The following PNKD variants were observed in gnomAD, a reference collection of about 807,000 sequenced individuals.
The protein encoded by PNKD is PNKD metallo-beta-lactamase domain containing, also known as probable thioesterase PNKD.
In PNKD, 36 loss-of-function variants were observed where a neutral mutation model predicts 45.3. The observed-to-expected ratio is 0.80, with a 90% CI of 0.61 to 1.05. PNKD has a LOEUF of 1.05. Among genes scored for constraint, PNKD ranks in the 50% least tolerant of loss-of-function variants. The pLI is 0.00. For missense variants in PNKD, 511 were observed against 506.6 expected (o/e 1.01, Z -0.08); for synonymous variants, 197 against 210.1 (o/e 0.94, Z 0.54).
rs184080767 is a variant in PNKD at position 218,315,275 on chromosome 2, G to A, written c.237-24508G>A. Among the ~76,000 whole-genome samples the A allele has an allele frequency of 3.0e-3, 452 of 151,442 alleles. 3 individuals are homozygous for A. The highest frequency in any genetic ancestry group is 9.6e-3 in the African/African-American group (394 of 41,250). On this transcript the variant is annotated intron_variant, in intron 2 of 9. Coordinates refer to ENST00000273077, the MANE Select transcript of PNKD (RefSeq NM_015488.5). The stretch of plus-strand genomic sequence containing the variant: ...TCCTGCCCCAGCCTCCCAAGTAGCT[G>A]GGACTACAGGCACGCGCCACCACGC...
chr2:218,280,046 G>A (rs767952919), intron 2 of PNKD: 3 of 1,613,810 alleles, frequency 1.9e-6, no homozygotes, highest in South Asian at 2.2e-5. Flanking sequence ...AAAGTGTGTC[G>A]CACTTTCCGG....
Position 218,340,974 on chromosome 2 carries a change from C to T in PNKD, c.524+188C>T. 1 of 640,902 alleles carries T rather than the reference C, an allele frequency of 1.6e-6. No individual in the cohort carries two copies. The highest frequency in any genetic ancestry group is 2.8e-6 in the Non-Finnish European group (1 of 356,400). 39.7% of individuals were successfully genotyped at this position (640,902 alleles called of 1,614,324 possible). A position where few individuals can be genotyped will look rare whatever the true frequency, so the allele number is the denominator to read the frequency against. On this transcript the variant is annotated intron_variant, in intron 5 of 9. Transcript: ENST00000273077. This position sits in a 1 kb window ranked among gnomAD's most constrained non-coding sequence, Gnocchi z 4.2. ...GACAGTCTCCCACCACTCCATTGAT[C>T]AAGCTTCTGAAGCCCCAGAGGGCAG...
chr2:218,320,415 T>C (rs1693954243), intron 2 of PNKD, among the ~76,000 whole-genome samples: 2 of 152,270 alleles, frequency 1.3e-5, no homozygotes, highest in Admixed American at 6.5e-5. Context: ...TATTTGAAAA[T>C]ATGCAGGCCA....
At position 218,344,479 on chromosome 2, in the gene PNKD, T is replaced by C; in HGVS notation, c.893T>C (p.Leu298Pro). The change falls in exon 9 of 10, where the codon CTG (leucine) becomes CCG (proline). Residue 298 changes from leucine (L) to proline (P), a missense_variant. Physicochemically the swap from Leu to Pro is moderately conservative, Grantham distance 98 (BLOSUM62 -3). Coordinates refer to ENST00000273077, the MANE Select transcript of PNKD (RefSeq NM_015488.5). ...GGTCATGAGTATGCAGAGGAGAACC[T>C]GGGCTTTGCAGGTGTGGTGGAGCCC... is the stretch of plus-strand genomic sequence containing the variant. ...WPGHEYAEENLGFAGVVEPEN... is the reference protein window; with the variant it reads ...WPGHEYAEENPGFAGVVEPEN... 6.9e-6 allele frequency: 11 copies of C among 1,586,114 alleles called. No individual in the cohort carries two copies. Among genetic ancestry groups the C allele is most frequent in the Non-Finnish European group, 9.4e-6 (11 of 1,165,852 alleles).
intron 2 of PNKD, among the ~76,000 whole-genome samples, chr2:218,278,808 C>T (rs1691541420): frequency 6.6e-6 from 1 of 152,244 alleles, no homozygotes. Flanking sequence ...ATGGGGGCTG[C>T]AGCGCAGCGT....
rs1029588837 is a variant in PNKD, at chr2:218,346,089, C to T, written c.*1108C>T. 3.3e-5 allele frequency: 5 copies of T among 152,350 alleles called. No homozygotes were observed. Among genetic ancestry groups the T allele is most frequent in the Non-Finnish European group, 7.3e-5 (5 of 68,070 alleles). 9.4% of individuals were successfully genotyped at this position (152,350 alleles called of 1,614,324 possible). On this transcript the variant is annotated 3_prime_UTR_variant, in exon 10 of 10. Coordinates refer to ENST00000273077, the MANE Select transcript of PNKD (RefSeq NM_015488.5). ...TGGAAATCAGAAGTCTGTGAGAGCG[C>T]GGGAGTGCATGGCAGCTCTGGGTCC...
intron 2 of PNKD, among the ~76,000 whole-genome samples, chr2:218,316,268 C>CTTTCTTT (rs1553668132): frequency 8.4e-6 from 1 of 119,584 alleles, no homozygotes; most frequent in African/African-American, 3.2e-5. Context: ...TTCTTTCTTT[C>CTTTCTTT]TTTTTTTTTT....
chr2:218,343,355 A>T, intron 7 of PNKD, 145 bp from the exon 8 acceptor site: 1 of 726,278 alleles, frequency 1.4e-6, no homozygotes, highest in South Asian at 1.5e-5. Context: ...GAGGGAATAG[A>T]TGCCTGGGGT....
At chr2:218,275,168 T>G (rs1300540166) in intron 2 of PNKD, 1 of 251,424 alleles carries the variant, frequency 4.0e-6, no homozygotes, top group Non-Finnish European at 7.5e-6. Context: ...TCTTTTCATA[T>G]TCCTCACAAC....
chr2:218,282,140 A>G, intron 2 of PNKD: 4 of 1,498,112 alleles, frequency 2.7e-6, no homozygotes, highest in Non-Finnish European at 3.6e-6. Context: ...GGGGTTGGAC[A>G]TGGCTGCTCA....
intron 2 of PNKD, among the ~76,000 whole-genome samples, chr2:218,312,909 G>A (rs980627147): frequency 1.3e-5 from 2 of 151,344 alleles, no homozygotes; most frequent in African/African-American, 4.9e-5. Context: ...ATCAATGTAT[G>A]AGCATTATTC....
chr2:218,339,446 G>C (rs1023905669), intron 2 of PNKD, among the ~76,000 whole-genome samples: 1 of 151,904 alleles, frequency 6.6e-6, no homozygotes, highest in South Asian at 2.1e-4. Flanking sequence ...GGCTGGTCTC[G>C]AACTCCTGAC....
intron 2 of PNKD, among the ~76,000 whole-genome samples, chr2:218,306,295 G>A (rs538823043): frequency 5.1e-4 from 77 of 152,244 alleles, no homozygotes; most frequent in African/African-American, 1.8e-3. Context: ...GCCTGCAATG[G>A]GCCAGGCATG....
At chr2:218,334,885 TGGGTG>T in intron 2 of PNKD, 1 of 628,714 alleles carries the variant, frequency 1.6e-6, no homozygotes, top group Non-Finnish European at 2.9e-6. Context: ...TCATCATACT[TGGGTG>T]ATTTGACTGG....
Position 218,340,626 on chromosome 2 carries a change from G to T in PNKD, c.466-102G>T. On this transcript the variant is annotated intron_variant, in intron 4 of 9. Transcript: ENST00000273077. This position sits in a 1 kb window ranked among gnomAD's most constrained non-coding sequence, Gnocchi z 4.2. ...CCTTTCCTCTGCTTCATCTCTCCAT[G>T]CTCTCCTCTCCTCTCCACCAGCGCC... is the stretch of plus-strand genomic sequence containing the variant. 1 of 844,154 alleles carries T rather than the reference G, an allele frequency of 1.2e-6. No homozygotes were observed. The highest frequency in any genetic ancestry group is 2.1e-6 in the Non-Finnish European group (1 of 482,302). 52.3% of individuals were successfully genotyped at this position (844,154 alleles called of 1,614,324 possible).
At position 218,318,954 on chromosome 2, in the gene PNKD, T is replaced by TC. The variant is rs1347199599; in HGVS notation, c.237-20829_237-20828insC. ...AAATCTTTTCTTTTTTTTTTTCTTT[T>TC]TTTTTTTTTTTTTTTTTTGAGACAG... On this transcript the variant is annotated intron_variant, in intron 2 of 9. Coordinates refer to ENST00000273077, the MANE Select transcript of PNKD (RefSeq NM_015488.5). Among the ~76,000 whole-genome samples, 501 of 119,940 alleles carry TC rather than the reference T, an allele frequency of 4.2e-3. 6 individuals carry two copies. Among genetic ancestry groups the TC allele is most frequent in the African/African-American group, 0.021 (467 of 22,752 alleles). The allele number at this position is 119,940 out of a possible 152,430, so 78.7% of individuals were successfully genotyped here.
At chr2:218,295,896 A>G (rs1348543026) in intron 2 of PNKD, among the ~76,000 whole-genome samples, 2 of 146,074 alleles carry the variant, frequency 1.4e-5, no homozygotes, top group Non-Finnish European at 3.0e-5. Flanking sequence ...CCCAGGCTGG[A>G]GTACAGTAGT....
chr2:218,332,045 C>T (rs1004343025), intron 2 of PNKD, among the ~76,000 whole-genome samples: 4 of 152,214 alleles, frequency 2.6e-5, no homozygotes, highest in Non-Finnish European at 4.4e-5. Flanking sequence ...GCTGTGGTCT[C>T]AGTTTCCAGA....
Position 218,339,880 on chromosome 2 carries a change from C to G in PNKD, c.334C>G (p.Gln112Glu). The G allele has an allele frequency of 6.3e-7, 1 of 1,596,204 alleles. No homozygotes were observed. Among genetic ancestry groups the G allele is most frequent in the Non-Finnish European group, 8.5e-7 (1 of 1,169,706 alleles). ...CTACCCTAAAGGCCACTCGAAAACCCAGCCCCGCCTCTTCAATGGTGAGCT... is the reference window on the plus strand; with the variant it reads ...CTACCCTAAAGGCCACTCGAAAACCGAGCCCCGCCTCTTCAATGGTGAGCT... Reference protein sequence around the residue: ...NRYPKGHSKTQPRLFNGVKVL... With the variant: ...NRYPKGHSKTEPRLFNGVKVL... The change falls in exon 3 of 10, where the codon CAG becomes GAG. Residue 112 changes from glutamine to glutamate, a missense_variant. Gln to Glu is a conservative substitution (Grantham distance 29). Coordinates refer to ENST00000273077, the MANE Select transcript of PNKD (RefSeq NM_015488.5).
Sources: gnomAD v4.1 joint callset for allele counts (sites outside exome capture counted in the v4.1 genomes callset) on GRCh38, gnomAD v4.1.1 for gene constraint, Gnocchi (gnomAD v3.1) non-coding constraint, MANE v1.5 for transcripts, NCBI Gene and HGNC (gene_info 2026-07-23, HGNC 2026-07-21) for gene names.